STPG2: variants seen among roughly 807,000 people sequenced by gnomAD.
STPG2 encodes sperm tail PG-rich repeat containing 2.
Under a neutral mutation model 54.2 loss-of-function variants are expected in STPG2, and 56 were observed. The ratio of observed to expected loss-of-function variants is 1.03; its 90% CI spans 0.83 to 1.29. The LOEUF (loss-of-function observed/expected upper bound fraction) is 1.29, where lower values mean the gene tolerates loss of function less well. Among genes scored for constraint, STPG2 ranks in the 50% most tolerant of loss-of-function variants. The pLI is 0.00. For missense variants in STPG2, 596 were observed against 544.9 expected, an observed-to-expected ratio of 1.09 and a Z score of -0.93; for synonymous variants, 200 against 181.8, an observed-to-expected ratio of 1.10 and a Z score of -0.81.
At position 98,143,044 on chromosome 4, in the gene STPG2, G is replaced by A. The variant is rs948656925; in HGVS notation, c.107C>T (p.Thr36Ile). The A allele has an allele frequency of 3.1e-6, 5 of 1,609,868 alleles. No individual in the cohort carries two copies. Among genetic ancestry groups the A allele is most frequent in the Middle Eastern group, 1.6e-4 (1 of 6,072 alleles). The change falls in exon 1 of 11, where the codon ACA (threonine) becomes ATA (isoleucine). Residue 36 changes from threonine to isoleucine, a missense_variant and splice_region_variant. By Grantham distance (89) the Thr-to-Ile change is moderately conservative (BLOSUM62 -1). Coordinates refer to ENST00000295268, the MANE Select transcript of STPG2 (RefSeq NM_174952.3). ...CTCTGCCTCTTCCTACATCTTACCT[G>A]TCGCCTGCTGCTTCAGGAAAGGTAC... The part of the protein sequence containing the change: ...YQVPFLKQQA[T>I]GSNAPFLSLT...
intron 10 of STPG2, among the ~76,000 whole-genome samples, chr4:97,632,905 T>C (rs891987174): frequency 3.3e-5 from 5 of 152,120 alleles, no homozygotes; most frequent in Admixed American, 6.5e-5. Flanking sequence ...AACAATTCAA[T>C]TGGATGCTTA....
intron 4 of STPG2, among the ~76,000 whole-genome samples, chr4:97,447,522 C>T (rs569133976): frequency 1.4e-4 from 22 of 152,266 alleles, no homozygotes; most frequent in African/African-American, 5.3e-4. Context: ...CTCTGTGCAG[C>T]CTCAGTATAT....
chr4:97,820,199 C>A (rs1056213551), intron 9 of STPG2, among the ~76,000 whole-genome samples: 1 of 152,052 alleles, frequency 6.6e-6, no homozygotes, highest in African/African-American at 2.4e-5. Context: ...CAACACAAAC[C>A]ATGCACATAT....
At chr4:97,611,480 T>C (rs1733729230) in intron 10 of STPG2, among the ~76,000 whole-genome samples, 1 of 152,026 alleles carries the variant, frequency 6.6e-6, no homozygotes, top group South Asian at 2.1e-4. Context: ...TTTGGTTTAT[T>C]CCAATATTAA....
At chr4:97,834,526 G>A (rs112593691) in intron 9 of STPG2, among the ~76,000 whole-genome samples, 3,480 of 151,858 alleles carry the variant, frequency 0.023, 83 homozygotes, top group African/African-American at 0.065. Context: ...ATTATTATTC[G>A]TGCTGCACTT....
intron 8 of STPG2, among the ~76,000 whole-genome samples, chr4:97,908,424 A>G (rs954464315): frequency 6.7e-6 from 1 of 149,646 alleles, no homozygotes; most frequent in Non-Finnish European, 1.5e-5. Flanking sequence ...GTGGGACTGT[A>G]AACTAGTTCA....
At chr4:97,664,543 GA>G (rs1722464763) in intron 10 of STPG2, among the ~76,000 whole-genome samples, 1 of 152,130 alleles carries the variant, frequency 6.6e-6, no homozygotes. Context: ...TCAGTCACCA[GA>G]CACTATTTAA....
intron 9 of STPG2, among the ~76,000 whole-genome samples, chr4:97,738,549 A>G (rs956930415): frequency 3.3e-5 from 5 of 152,180 alleles, no homozygotes; most frequent in Non-Finnish European, 5.9e-5. Context: ...AAAAAAAGGC[A>G]GGGGTTCCAA....
At chr4:97,859,466 C>CTTTTTTTTTTTT (rs70953089) in intron 8 of STPG2, among the ~76,000 whole-genome samples, 1 of 129,114 alleles carries the variant, frequency 7.7e-6, no homozygotes, top group Non-Finnish European at 1.6e-5. Flanking sequence ...CTTTTCTTTT[C>CTTTTTTTTTTTT]TTTTTTTTTT....
intron 9 of STPG2, among the ~76,000 whole-genome samples, chr4:97,833,558 A>G (rs1728538081): frequency 6.6e-6 from 1 of 152,186 alleles, no homozygotes; most frequent in Admixed American, 6.5e-5. Context: ...CTATCATCAG[A>G]GTGAACAGGC....
intron 8 of STPG2, among the ~76,000 whole-genome samples, chr4:97,909,476 T>C (rs962253994): frequency 6.6e-6 from 1 of 152,002 alleles, no homozygotes; most frequent in African/African-American, 2.4e-5. Flanking sequence ...ACCATAACCA[T>C]GACATCAAAC....
In STPG2 at chr4:98,016,064, GA is replaced by G. The variant is rs542126042; in HGVS notation, c.613-34747del. 4.6e-4 allele frequency among the ~76,000 whole-genome samples: 70 copies of G among 152,274 alleles called. 1 individual carries two copies. In the South Asian group the frequency reaches 0.015, roughly 32 times the overall value. The stretch of plus-strand genomic sequence containing the variant: ...ACACTCCAGGGCCTGTGTGGGGGTG[GA>G]AGGCTAGGGGAGGGATAGCATTAGG... On this transcript the variant is annotated intron_variant, in intron 5 of 10. Transcript: ENST00000295268.
At chr4:97,710,431 A>G (rs1724077033) in intron 10 of STPG2, among the ~76,000 whole-genome samples, 2 of 152,076 alleles carry the variant, frequency 1.3e-5, no homozygotes. Context: ...TTTTGCAAAT[A>G]TAATTGTATG....
At position 97,928,460 on chromosome 4, in the gene STPG2, C is replaced by G. The variant is rs543831065; in HGVS notation, c.1044+15437G>C. On this transcript the variant is annotated intron_variant, in intron 8 of 10. Transcript: ENST00000295268. ...AAATGCATATTAAATCATTTGAGTA[C>G]TACTTCTACTTTTATTTCAAAATAA... is the stretch of plus-strand genomic sequence containing the variant. Among the ~76,000 whole-genome samples, 5 of 152,248 alleles carry G rather than the reference C, an allele frequency of 3.3e-5. No homozygotes were observed. The South Asian group carries it at 1.0e-3, about 32-fold the overall frequency.
At chr4:97,853,132 G>A (rs1333473043) in intron 8 of STPG2, among the ~76,000 whole-genome samples, 2 of 151,364 alleles carry the variant, frequency 1.3e-5, no homozygotes, top group African/African-American at 2.4e-5. Flanking sequence ...ACCCGCCACC[G>A]CGCCCAGCTA....
chr4:97,943,997 T>A lies in STPG2; in HGVS notation c.944A>T (p.His315Leu). The change falls in exon 8 of 11, where the codon CAT becomes CTT. Residue 315 changes from histidine (H) to leucine (L), a missense_variant. His to Leu is a moderately conservative substitution (Grantham distance 99, BLOSUM62 -3). Coordinates refer to ENST00000295268, the MANE Select transcript of STPG2 (RefSeq NM_174952.3). ...ATCAGAAATTCCCACACCCTGTGAA[T>A]GCCAAAATTCCTGTTGAAAGAAGGG... ...PGPADYQEFW[H>L]SQGVGISDEL... is the part of the protein sequence containing the mutation. 6.2e-7 allele frequency: 1 copy of A among 1,609,236 alleles called. No individual in the cohort carries two copies. Among genetic ancestry groups the A allele is most frequent in the Non-Finnish European group, 8.5e-7 (1 of 1,177,632 alleles).
intron 10 of STPG2, among the ~76,000 whole-genome samples, chr4:97,704,813 C>T (rs563656315): frequency 1.3e-5 from 2 of 152,116 alleles, no homozygotes; most frequent in South Asian, 4.2e-4. Context: ...TTCATAGCTA[C>T]AATTGAAAAT....
intron 9 of STPG2, among the ~76,000 whole-genome samples, chr4:97,803,450 GGGTGGAGGTGGA>G (rs1727456852): frequency 6.6e-6 from 1 of 152,172 alleles, no homozygotes; most frequent in Non-Finnish European, 1.5e-5. Context: ...AGGTCAGTGA[GGGTGGAGGTGGA>G]GGTGGGGGAG....
intron 9 of STPG2, among the ~76,000 whole-genome samples, chr4:97,751,865 C>T (rs1055695040): frequency 3.3e-5 from 5 of 151,686 alleles, no homozygotes; most frequent in African/African-American, 9.7e-5. Flanking sequence ...CTAATTACTG[C>T]CGATAGCCCT....
Sources: allele counts gnomAD v4.1 joint callset (sites outside exome capture counted in the v4.1 genomes callset), GRCh38; gene constraint gnomAD v4.1.1; transcripts MANE v1.5; gene names NCBI Gene and HGNC (gene_info 2026-07-23, HGNC 2026-07-21).